The following DOK7 variants were observed in gnomAD, a reference collection of about 807,000 sequenced individuals.
DOK7 encodes docking protein 7.
DOK7 carries 32 observed loss-of-function variants against 30.7 expected under a neutral mutation model. That is an observed-to-expected ratio of 1.04 (90% CI 0.79 to 1.40). The LOEUF is 1.40. Ranked by LOEUF, DOK7 falls within the 40% of genes most tolerant of loss-of-function variation. The pLI is 0.00. For missense variants in DOK7, 1,007 were observed against 699.2 expected (o/e 1.44, Z -4.97); for synonymous variants, 447 against 324.1 (o/e 1.38, Z -4.07).
intron 6 of DOK7, among the ~76,000 whole-genome samples, chr4:3,499,624 A>G (rs887957213): frequency 6.6e-6 from 1 of 151,420 alleles, no homozygotes; most frequent in Non-Finnish European, 1.5e-5. Flanking sequence ...TGCAGACAGA[A>G]CCATCAGCTA....
At position 3,473,771 on chromosome 4, in the gene DOK7, G is replaced by A. The variant is rs369681810; in HGVS notation, c.331+135G>A. 1.1e-5 allele frequency: 10 copies of A among 889,640 alleles called. No individual in the cohort carries two copies. The African/African-American group carries it at 1.5e-4, about 13-fold the overall frequency. 55.1% of individuals were successfully genotyped at this position (889,640 alleles called of 1,614,324 possible). A position where few individuals can be genotyped will look rare whatever the true frequency, so the allele number is the denominator to read the frequency against. On this transcript the variant is annotated intron_variant, in intron 3 of 6. Coordinates refer to ENST00000340083, the MANE Select transcript of DOK7 (RefSeq NM_173660.5). Reference sequence around the variant, plus strand: ...AGATGGGACATTCATGGGTGCCTTAGGGTGGACTGAGCTCCAGCCTGGGGG... The same window carrying A: ...AGATGGGACATTCATGGGTGCCTTAAGGTGGACTGAGCTCCAGCCTGGGGG...
chr4:3,475,438 C>A (rs1727002602), intron 3 of DOK7, among the ~76,000 whole-genome samples: 1 of 152,194 alleles, frequency 6.6e-6, no homozygotes, highest in African/African-American at 2.4e-5. Flanking sequence ...GGAGATGGAG[C>A]AGGTGGGGCC....
At chr4:3,477,489 C>T (rs570951294) in intron 4 of DOK7, among the ~76,000 whole-genome samples, 8 of 152,370 alleles carry the variant, frequency 5.3e-5, no homozygotes, top group Middle Eastern at 3.4e-3. Context: ...AGCTGGGGCA[C>T]GGGCGCAAGC....
At chr4:3,487,919 G>A (rs1387536344) in intron 5 of DOK7, among the ~76,000 whole-genome samples, 2 of 152,234 alleles carry the variant, frequency 1.3e-5, no homozygotes, top group Admixed American at 6.5e-5. Flanking sequence ...AGTGCACCAA[G>A]GAGCCAGGAC....
intron 6 of DOK7, among the ~76,000 whole-genome samples, chr4:3,492,036 G>A (rs1021631608): frequency 6.6e-6 from 1 of 152,210 alleles, no homozygotes; most frequent in Non-Finnish European, 1.5e-5. Context: ...ATAAGCTTTT[G>A]CCTTCCTGGG....
chr4:3,496,313 G>A (rs1728908934), downstream of DOK7, among the ~76,000 whole-genome samples: 2 of 152,226 alleles, frequency 1.3e-5, no homozygotes, highest in African/African-American at 2.4e-5. Context: ...TCCCAGTGGG[G>A]CATTTTCCAG....
At chr4:3,484,482 G>C in intron 4 of DOK7, 3 of 985,214 alleles carry the variant, frequency 3.0e-6, no homozygotes, top group Non-Finnish European at 3.6e-6. Flanking sequence ...CGGAGCGGGC[G>C]GGATTCCTGT....
At chr4:3,490,018 G>C (rs116336850) in intron 6 of DOK7, among the ~76,000 whole-genome samples, 6 of 95,316 alleles carry the variant, frequency 6.3e-5, no homozygotes, top group African/African-American at 2.0e-4. Context: ...TTCTCCTCCT[G>C]CTCATTCATT....
intron 4 of DOK7, among the ~76,000 whole-genome samples, chr4:3,478,114 CCTTT>C (rs1025203670): frequency 1.4e-4 from 21 of 152,314 alleles, no homozygotes; most frequent in African/African-American, 4.6e-4. Flanking sequence ...CCCATACCTT[CCTTT>C]CTGTCTGTGG....
Position 3,500,279 on chromosome 4 carries a change from C to T in DOK7, c.1137C>T (p.Ser379=), listed in dbSNP as rs1172927063. The change falls in exon 7 of 8, where the codon AGC becomes AGT. Residue 379 remains serine, a synonymous_variant. Coordinates refer to the DOK7 transcript ENST00000643608. Reference sequence around the variant, plus strand: ...CCCCAGGACCCGTGGCTGTGGACAGCCCAGGACCAGAGAGGCCGCGCGGCG... The same window carrying T: ...CCCCAGGACCCGTGGCTGTGGACAGTCCAGGACCAGAGAGGCCGCGCGGCG... 3.3e-6 allele frequency: 5 copies of T among 1,535,938 alleles called. No homozygotes were observed. The South Asian group carries it at 5.9e-5, about 18-fold the overall frequency.
At chr4:3,476,831 C>T (rs1042775367) in intron 4 of DOK7, among the ~76,000 whole-genome samples, 10 of 152,210 alleles carry the variant, frequency 6.6e-5, no homozygotes, top group African/African-American at 9.6e-5. Flanking sequence ...GCCTCAGAGC[C>T]GCTCATATCC....
At position 3,490,502 on chromosome 4, in the gene DOK7, C is replaced by T. The variant is rs770906560; in HGVS notation, c.772+706C>T. Reference sequence around the variant, plus strand: ...TGCTCATTCATTCCTTCCTTTTCCCCCTGCTCATTCTTTCCTTCACCCCCC... The same window carrying T: ...TGCTCATTCATTCCTTCCTTTTCCCTCTGCTCATTCTTTCCTTCACCCCCC... On this transcript the variant is annotated intron_variant, in intron 6 of 6. Coordinates refer to ENST00000340083, the MANE Select transcript of DOK7 (RefSeq NM_173660.5). Among the ~76,000 whole-genome samples the T allele has an allele frequency of 6.0e-3, 652 of 108,660 alleles. 1 individual carries two copies. The highest frequency in any genetic ancestry group is 0.015 in the African/African-American group (372 of 24,364). 71.3% of individuals were successfully genotyped at this position (108,660 alleles called of 152,430 possible). A position where few individuals can be genotyped will look rare whatever the true frequency, so the allele number is the denominator to read the frequency against.
In DOK7 at chr4:3,480,634, C is replaced by G. The variant is rs186346593; in HGVS notation, c.532+4092C>G. ...AAAAAAGAAGAGTAAAGAATGAAAA[C>G]CTGAACTAGGAGGCTCTTGCTACAT... is the stretch of plus-strand genomic sequence containing the variant. On this transcript the variant is annotated intron_variant, in intron 4 of 6. Transcript: ENST00000340083. Among the ~76,000 whole-genome samples, 438 of 152,340 alleles carry G rather than the reference C, an allele frequency of 2.9e-3. 3 individuals are homozygous for G. Among genetic ancestry groups the G allele is most frequent in the African/African-American group, 0.01 (423 of 41,576 alleles).
intron 5 of DOK7, among the ~76,000 whole-genome samples, chr4:3,487,357 AG>A (rs1484083346): frequency 2.6e-5 from 4 of 152,166 alleles, no homozygotes; most frequent in Non-Finnish European, 5.9e-5. Context: ...AGCACACTGG[AG>A]CCCCGTGATC....
Position 3,500,805 on chromosome 4 carries a change from A to T in DOK7, c.1375A>T (p.Arg459Trp), listed in dbSNP as rs1046280337. The T allele has an allele frequency of 2.0e-6, 3 of 1,532,972 alleles. No homozygotes were observed. In the African/African-American group the frequency reaches 4.1e-5, roughly 21 times the overall value. 95.0% of individuals were successfully genotyped at this position (1,532,972 alleles called of 1,614,324 possible). Residue 459 changes from arginine (R) to tryptophan (W), a missense_variant, in exon 8 of 8, where the codon AGG becomes TGG. By Grantham distance (101) the Arg-to-Trp change is moderately radical. Coordinates refer to the DOK7 transcript ENST00000643608. ...GGAGCAGCTGTCGGAGCTGGAGCAG[A>T]GGAAGGCAGCCCCGCAGTGAGGTCA...
At chr4:3,496,778 G>T (rs1444395206), downstream of DOK7, 1 of 1,534,908 alleles carries the variant, frequency 6.5e-7, no homozygotes, top group South Asian at 1.2e-5. Flanking sequence ...AGGATGAGGG[G>T]AAGACTGAAG....
At chr4:3,496,677 G>A (rs1728928946), downstream of DOK7, 1 of 816,490 alleles carries the variant, frequency 1.2e-6, no homozygotes, top group Non-Finnish European at 1.9e-6. Context: ...ATCAGGTATG[G>A]CGGGCTGGAC....
chr4:3,495,500 C>T (rs1053903924), downstream of DOK7, among the ~76,000 whole-genome samples: 5 of 152,238 alleles, frequency 3.3e-5, no homozygotes, highest in South Asian at 2.1e-4. Flanking sequence ...TGTGGGGATG[C>T]GGCCGGGACA....
chr4:3,470,971 G>A (rs1577145540), intron 2 of DOK7, among the ~76,000 whole-genome samples: 1 of 152,334 alleles, frequency 6.6e-6, no homozygotes, highest in East Asian at 1.9e-4. Flanking sequence ...CAGAGCCACA[G>A]GGGAGGAAAG....
Sources: allele counts gnomAD v4.1 joint callset (sites outside exome capture counted in the v4.1 genomes callset), GRCh38; gene constraint gnomAD v4.1.1; transcripts MANE v1.5; gene names NCBI Gene and HGNC (gene_info 2026-07-23, HGNC 2026-07-21).